Variants in CERKL observed in about 807,000 individuals in gnomAD.
CERKL encodes the protein ceramide kinase-like protein.
A neutral mutation model predicts 63.4 loss-of-function variants in CERKL; 61 were observed. That is an observed-to-expected ratio of 0.96 (90% CI 0.78 to 1.19). The LOEUF (loss-of-function observed/expected upper bound fraction) is 1.19. Ranked by LOEUF, CERKL falls within the 50% of genes most tolerant of loss-of-function variation. The pLI is 0.00. For synonymous variants in CERKL, 250 were observed against 230.5 expected, an observed-to-expected ratio of 1.08 and a Z score of -0.77; for missense variants, 675 against 655.5, an observed-to-expected ratio of 1.03 and a Z score of -0.33.
intron 1 of CERKL, among the ~76,000 whole-genome samples, chr2:181,622,493 G>A (rs1686500293): frequency 6.6e-6 from 1 of 152,094 alleles, no homozygotes; most frequent in African/African-American, 2.4e-5. Flanking sequence ...ATATTTAAAA[G>A]AACATTTTCT....
intron 2 of CERKL, among the ~76,000 whole-genome samples, chr2:181,595,364 G>C (rs527331367): frequency 5.7e-4 from 82 of 142,736 alleles, no homozygotes; most frequent in African/African-American, 2.4e-3. Context: ...TGACCCTACG[G>C]GTTGCCCTGC....
chr2:181,604,177 G>T, intron 1 of CERKL, 98 bp from the exon 2 acceptor site: 1 of 984,946 alleles, frequency 1.0e-6, no homozygotes, highest in South Asian at 1.4e-5. Context: ...TGAGCAAAGG[G>T]AGAGGATCAA....
rs1029755672 is a variant in CERKL at position 181,537,394 on chromosome 2, C to T, written c.*790G>A. ...CAATTACATATTGGGCTAGATTTTG[C>T]CCAGTTCAAAATAGTATTTGTTATC... On this transcript the variant is annotated 3_prime_UTR_variant, in exon 13 of 13. Coordinates refer to ENST00000410087, the MANE Select transcript of CERKL (RefSeq NM_201548.5). 2 of 451,892 alleles carry T rather than the reference C, an allele frequency of 4.4e-6. No homozygotes were observed. The highest frequency in any genetic ancestry group is 8.9e-6 in the Non-Finnish European group (2 of 225,382). 28.0% of individuals were successfully genotyped at this position (451,892 alleles called of 1,614,324 possible). A position where few individuals can be genotyped will look rare whatever the true frequency, so the allele number is the denominator to read the frequency against.
chr2:181,616,403 G>C (rs779840893), intron 1 of CERKL, among the ~76,000 whole-genome samples: 1 of 151,646 alleles, frequency 6.6e-6, no homozygotes, highest in Non-Finnish European at 1.5e-5. Flanking sequence ...TAGTAGAGAC[G>C]GTGTTTCACT....
chr2:181,539,471 C>T (rs971235306), intron 11 of CERKL, among the ~76,000 whole-genome samples: 4 of 151,930 alleles, frequency 2.6e-5, no homozygotes, highest in African/African-American at 7.3e-5. Flanking sequence ...AGATCTAGCA[C>T]CTAGAAATCT....
At chr2:181,547,550 T>C (rs978815504) in intron 10 of CERKL, 68 bp downstream of exon 10, 55 of 1,254,438 alleles carry the variant, frequency 4.4e-5, no homozygotes, top group African/African-American at 2.8e-4. Flanking sequence ...CAACAGTTAA[T>C]TGGATACCCT....
In CERKL at chr2:181,603,993, C is replaced by T; in HGVS notation, c.325G>A (p.Val109Ile). The change falls in exon 2 of 13, where the codon GTT becomes ATT. Residue 109 changes from valine (V) to isoleucine (I), a missense_variant. Coordinates refer to ENST00000410087, the MANE Select transcript of CERKL (RefSeq NM_201548.5). The stretch of plus-strand genomic sequence containing the variant: ...AAAGTACCACTTCTCTGCTGTTTAA[C>T]AGAACAACGCCGTTTCAGTTTCACA... ...FSVKLKRRCSVKQQRSGTLLG... is the reference protein window; with the variant it reads ...FSVKLKRRCSIKQQRSGTLLG... 1 of 1,613,134 alleles carries T rather than the reference C, an allele frequency of 6.2e-7. No individual in the cohort carries two copies. The highest frequency in any genetic ancestry group is 1.3e-5 in the African/African-American group (1 of 74,980).
chr2:181,632,745 C>G (rs994456522), intron 1 of CERKL, among the ~76,000 whole-genome samples: 5 of 152,136 alleles, frequency 3.3e-5, no homozygotes, highest in Admixed American at 3.3e-4. Context: ...AATCTCCTCC[C>G]TCATCCTGTG....
chr2:181,587,035 C>A (rs1684797696), intron 2 of CERKL, among the ~76,000 whole-genome samples: 1 of 152,170 alleles, frequency 6.6e-6, no homozygotes, highest in African/African-American at 2.4e-5. Flanking sequence ...AAACTATGCC[C>A]AGTTAATGTG....
chr2:181,575,014 C>A (rs1689068572), intron 2 of CERKL, among the ~76,000 whole-genome samples: 1 of 152,160 alleles, frequency 6.6e-6, no homozygotes, highest in Non-Finnish European at 1.5e-5. Flanking sequence ...CTCCAATCAC[C>A]CAGGCTGGAA....
chr2:181,545,575 G>A (rs1289010894), intron 10 of CERKL, among the ~76,000 whole-genome samples: 1 of 152,166 alleles, frequency 6.6e-6, no homozygotes, highest in Non-Finnish European at 1.5e-5. Flanking sequence ...AGTCAGAGCT[G>A]TAAGGGACCT....
intron 3 of CERKL, among the ~76,000 whole-genome samples, chr2:181,566,379 T>C (rs971407611): frequency 6.6e-6 from 1 of 152,198 alleles, no homozygotes; most frequent in Non-Finnish European, 1.5e-5. Flanking sequence ...CGCATAGTGG[T>C]TACCCAATTT....
At chr2:181,611,420 A>T (rs1685964942) in intron 1 of CERKL, among the ~76,000 whole-genome samples, 1 of 151,996 alleles carries the variant, frequency 6.6e-6, no homozygotes, top group Non-Finnish European at 1.5e-5. Context: ...GTGTTTTGGG[A>T]GGCTGAGGCA....
At chr2:181,645,453 G>A (rs989220786) in intron 1 of CERKL, among the ~76,000 whole-genome samples, 1 of 152,202 alleles carries the variant, frequency 6.6e-6, no homozygotes, top group African/African-American at 2.4e-5. Context: ...TCCTCCACCT[G>A]CCCTGTTCAC....
intron 1 of CERKL, among the ~76,000 whole-genome samples, chr2:181,620,012 G>A (rs573474879): frequency 3.9e-5 from 6 of 152,250 alleles, no homozygotes; most frequent in African/African-American, 1.2e-4. Context: ...TACTACATTC[G>A]AGGCACTTCT....
intron 1 of CERKL, among the ~76,000 whole-genome samples, chr2:181,653,873 T>C (rs1450226330): frequency 6.6e-6 from 1 of 152,198 alleles, no homozygotes; most frequent in African/African-American, 2.4e-5. Flanking sequence ...AGTAAAATAC[T>C]ATATATTACA....
intron 2 of CERKL, 104 bp from the exon 3 acceptor site, chr2:181,573,988 A>G: frequency 9.6e-7 from 1 of 1,038,130 alleles, no homozygotes; most frequent in Admixed American, 2.1e-5. Context: ...TATGCATTTA[A>G]ATAGTATTTG....
chr2:181,553,793 T>C (rs1258093033), intron 5 of CERKL, among the ~76,000 whole-genome samples: 1 of 152,204 alleles, frequency 6.6e-6, no homozygotes, highest in African/African-American at 2.4e-5. Context: ...GGAAAGTTTA[T>C]GAGAAAGTAT....
chr2:181,656,641 G>T, intron 1 of CERKL, 128 bp downstream of exon 1: 5 of 809,032 alleles, frequency 6.2e-6, no homozygotes, highest in Non-Finnish European at 9.3e-6. Flanking sequence ...TCCGGGCAGT[G>T]AGGCGAGCAC....
Sources: allele counts gnomAD v4.1 joint callset (sites outside exome capture counted in the v4.1 genomes callset), GRCh38; gene constraint gnomAD v4.1.1; transcripts MANE v1.5; gene names NCBI Gene and HGNC (gene_info 2026-07-23, HGNC 2026-07-21).